SYNE2: variants seen among roughly 807,000 people sequenced by gnomAD.
SYNE2 encodes the protein spectrin repeat containing nuclear envelope protein 2, also known as nesprin-2.
SYNE2 carries 431 observed loss-of-function variants against 856.3 expected under a neutral mutation model. The ratio of observed to expected loss-of-function variants is 0.50; its 90% CI spans 0.47 to 0.55. SYNE2 has a LOEUF of 0.55. Ranked by LOEUF, SYNE2 falls within the 20% of genes least tolerant of loss-of-function variation. The pLI, the probability that SYNE2 is intolerant of heterozygous loss-of-function variation, is 0.00. For synonymous variants in SYNE2, 2,923 were observed against 2,872.3 expected (o/e 1.02, Z -0.56); for missense variants, 8,129 against 8,023.2 (o/e 1.01, Z -0.50).
chr14:63,774,123 A>G (rs916420707), intron 1 of SYNE2, among the ~76,000 whole-genome samples: 1 of 151,818 alleles, frequency 6.6e-6, no homozygotes, highest in African/African-American at 2.4e-5. Flanking sequence ...TCACGAGGTC[A>G]GGAGATCGAG....
chr14:64,106,665 A>G (rs2097773837), intron 64 of SYNE2, among the ~76,000 whole-genome samples: 1 of 152,040 alleles, frequency 6.6e-6, no homozygotes. Flanking sequence ...AAATATTAAC[A>G]CTATGTGTAA....
In SYNE2 at chr14:63,991,009, G is replaced by A. The variant is rs762051558; in HGVS notation, c.2540G>A (p.Arg847Lys). The change falls in exon 21 of 116, where the codon AGG becomes AAG. Residue 847 changes from arginine to lysine, a missense_variant. By Grantham distance (26) the Arg-to-Lys change is conservative. Transcript: ENST00000555002. The stretch of plus-strand genomic sequence containing the variant: ...GACGTTTCACCAGATTTGGACATCA[G>A]GCTGAAGATGGAAGAATCCCAGAAG... ...LTDVSPDLDI[R>K]LKMEESQKEL... 6.2e-7 allele frequency: 1 copy of A among 1,614,022 alleles called. No individual in the cohort carries two copies. Among genetic ancestry groups the A allele is most frequent in the African/African-American group, 1.3e-5 (1 of 74,934 alleles).
At chr14:63,944,827 T>TA (rs1306090284) in intron 6 of SYNE2, among the ~76,000 whole-genome samples, 2 of 125,758 alleles carry the variant, frequency 1.6e-5, no homozygotes, top group African/African-American at 6.6e-5. Flanking sequence ...CTTAAAGCTT[T>TA]TTTTTTTTTT....
chr14:63,967,984 G>A (rs772507028), intron 11 of SYNE2, 138 bp downstream of exon 11: 17 of 763,954 alleles, frequency 2.2e-5, no homozygotes, highest in African/African-American at 6.9e-5. Flanking sequence ...CCAACATGGC[G>A]AAACCCTGTC....
chr14:64,001,079 G>A (rs2096750938), intron 28 of SYNE2, among the ~76,000 whole-genome samples: 1 of 152,004 alleles, frequency 6.6e-6, no homozygotes, highest in South Asian at 2.1e-4. Context: ...GTGTTATTAG[G>A]ACCTTGTATA....
At chr14:64,177,021 C>T (rs2098438365) in intron 95 of SYNE2, among the ~76,000 whole-genome samples, 1 of 152,162 alleles carries the variant, frequency 6.6e-6, no homozygotes, top group East Asian at 1.9e-4. Context: ...TGGTCTCAAA[C>T]TCCTGACCTC....
At chr14:63,855,151 G>A (rs1313814720) in intron 1 of SYNE2, among the ~76,000 whole-genome samples, 1 of 152,010 alleles carries the variant, frequency 6.6e-6, no homozygotes, top group Non-Finnish European at 1.5e-5. Context: ...TCATCTATAA[G>A]TATTTATTGA....
chr14:63,979,059 G>T (rs1377652851), intron 14 of SYNE2, 45 bp downstream of exon 14: 1 of 1,598,294 alleles, frequency 6.3e-7, no homozygotes, highest in Non-Finnish European at 8.6e-7. Context: ...TCCATCTCTG[G>T]GTGCTGTGTT....
rs753691813 is a variant in SYNE2, at chr14:64,075,935, A to C, written c.10867-10A>C. 2 of 1,613,584 alleles carry C rather than the reference A, an allele frequency of 1.2e-6. No homozygotes were observed. The highest frequency in any genetic ancestry group is 2.2e-5 in the South Asian group (2 of 91,042). ...TCTCGTGAGTATTGCAACTCTCTTAATGCTTTTAGGAGCTTCAAAGCATCC... is the reference window on the plus strand; with the variant it reads ...TCTCGTGAGTATTGCAACTCTCTTACTGCTTTTAGGAGCTTCAAAGCATCC... On this transcript the variant is annotated splice_polypyrimidine_tract_variant and intron_variant, in intron 53 of 115. Transcript: ENST00000555002.
chr14:63,973,595 A>ACACTC (rs897889717), intron 11 of SYNE2, among the ~76,000 whole-genome samples: 1 of 144,456 alleles, frequency 6.9e-6, no homozygotes, highest in African/African-American at 2.6e-5. Context: ...TTGCAGCACT[A>ACACTC]CACTCCAGCC....
At chr14:63,841,947 C>T (rs1318405905) in intron 1 of SYNE2, among the ~76,000 whole-genome samples, 1 of 151,124 alleles carries the variant, frequency 6.6e-6, no homozygotes, top group African/African-American at 2.4e-5. Flanking sequence ...ATTTTCCTGC[C>T]TCAGCCTTCC....
chr14:64,089,637 A>G lies in SYNE2; in HGVS notation c.11734A>G (p.Ile3912Val), dbSNP rs185309575. 5.6e-6 allele frequency: 9 copies of G among 1,604,204 alleles called. No individual in the cohort carries two copies. The African/African-American group carries it at 8.0e-5, about 14-fold the overall frequency. The change falls in exon 59 of 116, where the codon ATC becomes GTC. Residue 3912 changes from isoleucine (I) to valine (V), a missense_variant. By Grantham distance (29) the Ile-to-Val change is conservative. Transcript: ENST00000555002. ...AAAAAGAGTTTCAAAAATCAAAACT[A>G]TCCTATTATCAAAAGAAATATTTGA... ...MEKRVSKIKT[I>V]LLSKEIFDFS...
At chr14:63,909,260 G>C in intron 2 of SYNE2, 33 bp downstream of exon 2, 12 of 1,439,150 alleles carry the variant, frequency 8.3e-6, no homozygotes, top group East Asian at 2.3e-5. Context: ...AACACCCACA[G>C]AAACTGGGGA....
chr14:64,205,107 G>A (rs2098598893), intron 100 of SYNE2, among the ~76,000 whole-genome samples: 1 of 152,036 alleles, frequency 6.6e-6, no homozygotes, highest in South Asian at 2.1e-4. Context: ...GATAATCCAG[G>A]ATAATCTCCC....
chr14:64,201,592 G>T (rs538566991), intron 99 of SYNE2, among the ~76,000 whole-genome samples: 2 of 152,312 alleles, frequency 1.3e-5, no homozygotes, highest in South Asian at 2.1e-4. Context: ...ACTATTGAAG[G>T]CTTTGAGCGT....
intron 93 of SYNE2, among the ~76,000 whole-genome samples, chr14:64,169,899 T>C (rs751774173): frequency 1.3e-5 from 2 of 152,364 alleles, no homozygotes; most frequent in African/African-American, 4.8e-5. Flanking sequence ...CCTGTTCATC[T>C]GTTTCCCTTT....
In SYNE2 at chr14:64,002,151, G is replaced by A. The variant is rs2096760119; in HGVS notation, c.3786+70G>A. ...CTTTTGAGATTTATAAATCCTTATG[G>A]ATTTTTAATTATTCATGATAGCATA... On this transcript the variant is annotated intron_variant, in intron 29 of 115. Coordinates refer to ENST00000555002, the MANE Select transcript of SYNE2 (RefSeq NM_182914.3). 20 of 1,285,078 alleles carry A rather than the reference G, an allele frequency of 1.6e-5. No homozygotes were observed. In the South Asian group the frequency reaches 1.9e-4, roughly 12 times the overall value. 79.6% of individuals were successfully genotyped at this position (1,285,078 alleles called of 1,614,324 possible).
chr14:64,172,894 C>A lies in SYNE2; in HGVS notation c.17236-2050C>A, dbSNP rs117123923. Reference sequence around the variant, plus strand: ...AGGCTGCAACGAGCCATGGTCACACCACTGCACTCCAGCCTGGGTAACAGA... The same window carrying A: ...AGGCTGCAACGAGCCATGGTCACACAACTGCACTCCAGCCTGGGTAACAGA... On this transcript the variant is annotated intron_variant, in intron 94 of 115. Transcript: ENST00000555002. 3.6e-3 allele frequency among the ~76,000 whole-genome samples: 547 copies of A among 151,666 alleles called. 5 individuals carry two copies. Among genetic ancestry groups the A allele is most frequent in the Non-Finnish European group, 6.6e-3 (447 of 67,956 alleles).
rs1028042195 is a variant in SYNE2 at position 64,089,373 on chromosome 14, A to T, written c.11671-201A>T. Among the ~76,000 whole-genome samples the T allele has an allele frequency of 2.3e-5, 3 of 133,242 alleles. No individual in the cohort carries two copies. In the South Asian group the frequency reaches 6.8e-4, roughly 30 times the overall value. The allele number at this position is 133,242 out of a possible 152,430, so 87.4% of individuals were successfully genotyped here. A position where few individuals can be genotyped will look rare whatever the true frequency, so the allele number is the denominator to read the frequency against. On this transcript the variant is annotated intron_variant, in intron 58 of 115. Coordinates refer to ENST00000555002, the MANE Select transcript of SYNE2 (RefSeq NM_182914.3). ...AAGAGCGAAACTCCGTCTCAGGAAA[A>T]AAAAAAAAAAAAAAAAAAAAAAAAG...
Sources: gnomAD v4.1 joint callset for allele counts (sites outside exome capture counted in the v4.1 genomes callset) on GRCh38, gnomAD v4.1.1 for gene constraint, MANE v1.5 for transcripts, NCBI Gene and HGNC (gene_info 2026-07-23, HGNC 2026-07-21) for gene names.